CFAP210: variants seen among roughly 807,000 people sequenced by gnomAD.
The protein encoded by CFAP210 is cilia- and flagella- associated protein 210.
the CFAP210 span, among the ~76,000 whole-genome samples, chr2:169,684,008 C>G: frequency 2.0e-5 from 3 of 152,286 alleles, no homozygotes; most frequent in South Asian, 6.2e-4. Flanking sequence ...TATATCCCCA[C>G]TTTAATCCAC....
chr2:169,667,879 C>T, the CFAP210 span, among the ~76,000 whole-genome samples: 1 of 152,054 alleles, frequency 6.6e-6, no homozygotes, highest in African/African-American at 2.4e-5. Flanking sequence ...CTTAAGGGTC[C>T]TAGGATTTTT....
At chr2:169,649,171 G>A in the CFAP210 span, 1 of 1,587,752 alleles carries the variant, frequency 6.3e-7, no homozygotes, top group Non-Finnish European at 8.6e-7. Flanking sequence ...TAAACATTCA[G>A]GAGTAATTAC....
the CFAP210 span, among the ~76,000 whole-genome samples, chr2:169,663,783 C>T: frequency 6.8e-6 from 1 of 146,266 alleles, no homozygotes; most frequent in South Asian, 2.3e-4. Flanking sequence ...TACGATTGCC[C>T]TAAAAATAAT....
At chr2:169,670,776 A>G in the CFAP210 span, among the ~76,000 whole-genome samples, 2 of 152,202 alleles carry the variant, frequency 1.3e-5, no homozygotes, top group African/African-American at 2.4e-5. Context: ...GGAGGAAGCC[A>G]CATTGCCTTT....
At chr2:169,690,650 C>G in the CFAP210 span, among the ~76,000 whole-genome samples, 1 of 134,814 alleles carries the variant, frequency 7.4e-6, no homozygotes, top group African/African-American at 2.9e-5. Context: ...GTGACAAGAG[C>G]AAGACTCTGT....
the CFAP210 span, chr2:169,681,057 T>A: frequency 1.2e-6 from 2 of 1,613,826 alleles, no homozygotes; most frequent in Non-Finnish European, 1.7e-6. Context: ...CGCAAATGCA[T>A]TTCTTTCTTT....
At chr2:169,684,574 C>T in the CFAP210 span, among the ~76,000 whole-genome samples, 1 of 152,222 alleles carries the variant, frequency 6.6e-6, no homozygotes, top group African/African-American at 2.4e-5. Flanking sequence ...CATTTTATAT[C>T]TGGCTTCTTT....
chr2:169,683,409 T>C, the CFAP210 span, among the ~76,000 whole-genome samples: 1 of 152,358 alleles, frequency 6.6e-6, no homozygotes, highest in Non-Finnish European at 1.5e-5. Flanking sequence ...CTTACAGCCT[T>C]GTAACAAATT....
At chr2:169,655,968 A>G in the CFAP210 span, among the ~76,000 whole-genome samples, 95 of 152,352 alleles carry the variant, frequency 6.2e-4, no homozygotes, top group Non-Finnish European at 1.3e-3. Context: ...CAGGGTAGAA[A>G]TATGCTCAGC....
At chr2:169,667,130 ATTTTC>A in the CFAP210 span, among the ~76,000 whole-genome samples, 3 of 134,800 alleles carry the variant, frequency 2.2e-5, no homozygotes, top group Non-Finnish European at 4.8e-5. Context: ...TGAATCACAA[ATTTTC>A]TTTTTTCTTT....
chr2:169,685,985 C>A, the CFAP210 span, among the ~76,000 whole-genome samples: 4 of 152,150 alleles, frequency 2.6e-5, no homozygotes, highest in Non-Finnish European at 5.9e-5. Flanking sequence ...TAAGCCAACA[C>A]CACAATCTCT....
At chr2:169,679,117 C>A in the CFAP210 span, among the ~76,000 whole-genome samples, 2 of 152,032 alleles carry the variant, frequency 1.3e-5, no homozygotes, top group Non-Finnish European at 2.9e-5. Flanking sequence ...TATGCAAGAA[C>A]AATTGATCTT....
the CFAP210 span, among the ~76,000 whole-genome samples, chr2:169,692,539 A>G: frequency 1.3e-5 from 2 of 152,092 alleles, no homozygotes; most frequent in African/African-American, 4.8e-5. Flanking sequence ...CCACTTTTAT[A>G]ATGAACCCAT....
At chr2:169,685,467 T>G in the CFAP210 span, among the ~76,000 whole-genome samples, 1 of 152,236 alleles carries the variant, frequency 6.6e-6, no homozygotes, top group Non-Finnish European at 1.5e-5. Flanking sequence ...GTCTTTTTAT[T>G]GTTGAGTTGT....
At chr2:169,672,621 G>A in the CFAP210 span, among the ~76,000 whole-genome samples, 4 of 152,202 alleles carry the variant, frequency 2.6e-5, no homozygotes, top group Non-Finnish European at 4.4e-5. Flanking sequence ...AGGAAAAGCA[G>A]AAGGAAGCAT....
chr2:169,693,240 G>A, the CFAP210 span, among the ~76,000 whole-genome samples: 2 of 152,226 alleles, frequency 1.3e-5, no homozygotes, highest in Non-Finnish European at 2.9e-5. Context: ...ATTTAGCAGT[G>A]AGGCTCAGGT....
chr2:169,668,496 C>T, the CFAP210 span, among the ~76,000 whole-genome samples: 1 of 152,180 alleles, frequency 6.6e-6, no homozygotes, highest in Admixed American at 6.5e-5. Context: ...CAGCTTTCAG[C>T]CTATTTTGGC....
the CFAP210 span, chr2:169,646,265 G>C: frequency 2.9e-6 from 3 of 1,021,532 alleles, no homozygotes; most frequent in Admixed American, 2.3e-5. Context: ...TGAAAATGTA[G>C]GTATAATTTT....
At chr2:169,654,171 T>A in the CFAP210 span, 2 of 1,597,026 alleles carry the variant, frequency 1.3e-6, no homozygotes. Flanking sequence ...CTCTTGCTGC[T>A]GCTGTTCTAC....
Sources: gnomAD v4.1 joint callset for allele counts (sites outside exome capture counted in the v4.1 genomes callset) on GRCh38, gnomAD v4.1.1 for gene constraint, MANE v1.5 for transcripts, NCBI Gene and HGNC (gene_info 2026-07-23, HGNC 2026-07-21) for gene names.